The following F10 variants were observed in gnomAD, a reference collection of about 807,000 sequenced individuals.
The protein encoded by F10 is coagulation factor X, also known as Stuart-Prower factor.
Under a neutral mutation model 37.1 loss-of-function variants are expected in F10, and 29 were observed. That is an observed-to-expected ratio of 0.78 (90% CI 0.58 to 1.07). The LOEUF (loss-of-function observed/expected upper bound fraction) is 1.07. Ranked by LOEUF, F10 falls within the 50% of genes least tolerant of loss-of-function variation. The probability of loss-of-function intolerance (pLI) is 0.00; values close to 1 mark genes in which losing one functional copy is unlikely to be tolerated. For synonymous variants in F10, 262 were observed against 268.6 expected (o/e 0.98, Z 0.24); for missense variants, 539 against 667.9 (o/e 0.81, Z 2.13).
chr13:113,149,410 A>G lies in F10; in HGVS notation c.1360A>G (p.Lys454Glu). ...TAAGGGGAAGTACGGGATCTACACC[A>G]AGGTCACCGCCTTCCTCAAGTGGAT... is the stretch of plus-strand genomic sequence containing the variant. ...ARKGKYGIYTKVTAFLKWIDR... is the reference protein window; with the variant it reads ...ARKGKYGIYTEVTAFLKWIDR... The change falls in exon 8 of 8, where the codon AAG becomes GAG. Residue 454 changes from lysine (K) to glutamate (E), a missense_variant. Coordinates refer to ENST00000375559, the MANE Select transcript of F10 (RefSeq NM_000504.4). The surrounding 1 kb of genome is among the most constrained non-coding windows in gnomAD (Gnocchi z 7.5). 1 of 1,613,304 alleles carries G rather than the reference A, an allele frequency of 6.2e-7. No individual in the cohort carries two copies. The highest frequency in any genetic ancestry group is 8.5e-7 in the Non-Finnish European group (1 of 1,179,824).
chr13:113,148,345 A>AAAAAAAATATATATATAT (rs1300922846), intron 7 of F10, among the ~76,000 whole-genome samples: 1 of 95,414 alleles, frequency 1.0e-5, no homozygotes, highest in East Asian at 4.3e-4. Flanking sequence ...AAAAAAAAAA[A>AAAAAAAATATATATATAT]ATATATATAT....
rs2036504251 is a variant in F10 at position 113,139,116 on chromosome 13, G to T, written c.257-241G>T. On this transcript the variant is annotated intron_variant, in intron 3 of 7. Coordinates refer to ENST00000375559, the MANE Select transcript of F10 (RefSeq NM_000504.4). This position sits in a 1 kb window ranked among gnomAD's most constrained non-coding sequence, Gnocchi z 5.2. ...GGTCACCTCTGACTGTAAACACACT[G>T]CAAAACACCGGCAAAAATCAAAAAG... 6.6e-6 allele frequency among the ~76,000 whole-genome samples: 1 copy of T among 152,110 alleles called. No homozygotes were observed. Among genetic ancestry groups the T allele is most frequent in the Non-Finnish European group, 1.5e-5 (1 of 68,030 alleles).
intron 5 of F10, among the ~76,000 whole-genome samples, chr13:113,142,556 C>CAAA (rs5806973): frequency 4.9e-4 from 30 of 61,280 alleles, no homozygotes; most frequent in African/African-American, 1.3e-3. Context: ...GACTCTGTCT[C>CAAA]AAAAAAAAAA....
chr13:113,142,678 C>G (rs900017998), intron 5 of F10, among the ~76,000 whole-genome samples: 2 of 148,026 alleles, frequency 1.4e-5, no homozygotes, highest in Non-Finnish European at 3.0e-5. Context: ...GTAATCCCAG[C>G]ACTTTGGGAA....
rs1044474545 is a variant in F10, at chr13:113,143,543, T to G, written c.503-308T>G. Reference sequence around the variant, plus strand: ...GTCTCTGTCCATCCGTCAAGCTTTCTTGACTTCTTGGTGCATTTTCAGGCA... The same window carrying G: ...GTCTCTGTCCATCCGTCAAGCTTTCGTGACTTCTTGGTGCATTTTCAGGCA... On this transcript the variant is annotated intron_variant, in intron 5 of 7. Coordinates refer to ENST00000375559, the MANE Select transcript of F10 (RefSeq NM_000504.4). This position sits in a 1 kb window ranked among gnomAD's most constrained non-coding sequence, Gnocchi z 6.8. 1.3e-5 allele frequency among the ~76,000 whole-genome samples: 2 copies of G among 152,172 alleles called. No homozygotes were observed. The highest frequency in any genetic ancestry group is 2.9e-5 in the Non-Finnish European group (2 of 68,036).
Position 113,148,345 on chromosome 13 carries a change from A to AATATATATATATATATAT in F10, c.866-570_866-553dup, listed in dbSNP as rs1555396300. Among the ~76,000 whole-genome samples the AATATATATATATATATAT allele has an allele frequency of 8.6e-4, 82 of 95,386 alleles. 3 individuals carry two copies. The East Asian group carries it at 0.028, about 32-fold the overall frequency. The allele number at this position is 95,386 out of a possible 152,430, so 62.6% of individuals were successfully genotyped here. ...AACTCTGTCTCAAAAAAAAAAAAAA[A>AATATATATATATATATAT]ATATATATATATATATATGTATATA... On this transcript the variant is annotated intron_variant, in intron 7 of 7. Transcript: ENST00000375559.
At position 113,123,036 on chromosome 13, in the gene F10, C is replaced by T. The variant is rs60349518; in HGVS notation, c.70+111C>T. 23 of 1,269,098 alleles carry T rather than the reference C, an allele frequency of 1.8e-5. No homozygotes were observed. In the East Asian group the frequency reaches 5.5e-4, roughly 31 times the overall value. 78.6% of individuals were successfully genotyped at this position (1,269,098 alleles called of 1,614,324 possible). A position where few individuals can be genotyped will look rare whatever the true frequency, so the allele number is the denominator to read the frequency against. On this transcript the variant is annotated intron_variant, in intron 1 of 7. Coordinates refer to ENST00000375559, the MANE Select transcript of F10 (RefSeq NM_000504.4). ...GCCTGGACGGTGGGTGCCTTGAGTG[C>T]TGCCAGAGGCTGGGCTCGGATGGCT...
intron 1 of F10, among the ~76,000 whole-genome samples, chr13:113,124,677 C>T (rs1335991940): frequency 6.6e-6 from 1 of 152,248 alleles, no homozygotes; most frequent in African/African-American, 2.4e-5. Flanking sequence ...TTTAAACGAG[C>T]ACAGCTGTCC....
Position 113,149,511 on chromosome 13 carries a change from A to G in F10, c.1461A>G (p.Leu487=). Residue 487 remains leucine (L), a synonymous_variant, in exon 8 of 8, where the codon TTA becomes TTG. Coordinates refer to ENST00000375559, the MANE Select transcript of F10 (RefSeq NM_000504.4). This position sits in a 1 kb window ranked among gnomAD's most constrained non-coding sequence, Gnocchi z 7.5. The part of the protein sequence containing the change: ...HAPEVITSSP[L]K The stretch of plus-strand genomic sequence containing the variant: ...CGGAGGTCATAACGTCCTCTCCATT[A>G]AAGTGAGATCCCACTCAAGGCCTGG... 1 of 1,613,054 alleles carries G rather than the reference A, an allele frequency of 6.2e-7. No homozygotes were observed. The highest frequency in any genetic ancestry group is 8.5e-7 in the Non-Finnish European group (1 of 1,180,036).
chr13:113,133,135 G>A (rs1343221152), intron 2 of F10, among the ~76,000 whole-genome samples: 1 of 151,848 alleles, frequency 6.6e-6, no homozygotes, highest in East Asian at 1.9e-4. Flanking sequence ...GCTCACATGG[G>A]AAAAGAAAGA....
intron 1 of F10, among the ~76,000 whole-genome samples, chr13:113,125,493 C>T (rs763988398): frequency 6.6e-6 from 1 of 152,216 alleles, no homozygotes; most frequent in Non-Finnish European, 1.5e-5. Flanking sequence ...ACAAACCACA[C>T]GACAAATGTC....
chr13:113,129,638 T>C, intron 2 of F10, 26 bp downstream of exon 2: 1 of 1,613,658 alleles, frequency 6.2e-7, no homozygotes, highest in Non-Finnish European at 8.5e-7. Context: ...AGCCTGGCTG[T>C]TGGTAAGGAG....
chr13:113,134,959 G>A (rs1016167889), intron 2 of F10, among the ~76,000 whole-genome samples: 4 of 151,972 alleles, frequency 2.6e-5, no homozygotes, highest in East Asian at 3.9e-4. Flanking sequence ...ATCAATTTTC[G>A]GCCGGGCGCG....
intron 1 of F10, among the ~76,000 whole-genome samples, chr13:113,125,797 G>A (rs927906900): frequency 2.0e-4 from 30 of 152,248 alleles, no homozygotes; most frequent in African/African-American, 6.8e-4. Flanking sequence ...TGCTAGGCAC[G>A]GGCATACAGC....
rs1260070213 is a variant in F10 at position 113,143,055 on chromosome 13, C to T, written c.503-796C>T. Reference sequence around the variant, plus strand: ...GAGGCCCCTGCGGCTGGCAGATTCACCGGAGCCTCCTCAGACTGCGCAGGA... The same window carrying T: ...GAGGCCCCTGCGGCTGGCAGATTCATCGGAGCCTCCTCAGACTGCGCAGGA... On this transcript the variant is annotated intron_variant, in intron 5 of 7. Transcript: ENST00000375559. This position sits in a 1 kb window ranked among gnomAD's most constrained non-coding sequence, Gnocchi z 6.8. Among the ~76,000 whole-genome samples, 2 of 152,184 alleles carry T rather than the reference C, an allele frequency of 1.3e-5. No homozygotes were observed. Among genetic ancestry groups the T allele is most frequent in the African/African-American group, 2.4e-5 (1 of 41,444 alleles).
intron 3 of F10, among the ~76,000 whole-genome samples, chr13:113,138,870 G>C (rs1008084741): frequency 1.3e-5 from 2 of 152,232 alleles, no homozygotes; most frequent in African/African-American, 4.8e-5. Flanking sequence ...TGACTACCTG[G>C]TAACAGTATT....
rs2036407981 is a variant in F10, at chr13:113,129,603, C to T, written c.222C>T (p.Ser74=). The stretch of plus-strand genomic sequence containing the variant: ...AGGCCCGCGAGGTCTTTGAGGACAG[C>T]GACAAGACGGTAAGGGCTGGGGATA... ...YEEAREVFED[S]DKTNEFWNKY... The change falls in exon 2 of 8, where the codon AGC becomes AGT. Residue 74 remains serine (S), a synonymous_variant. Transcript: ENST00000375559. 6.2e-7 allele frequency: 1 copy of T among 1,614,188 alleles called. No homozygotes were observed.
At chr13:113,127,483 T>C (rs1434684036) in intron 1 of F10, among the ~76,000 whole-genome samples, 1 of 151,762 alleles carries the variant, frequency 6.6e-6, no homozygotes, top group Non-Finnish European at 1.5e-5. Flanking sequence ...GCTGTCAAAA[T>C]GAAAAGAGGA....
Position 113,149,124 on chromosome 13 carries a change from G to C in F10, c.1074G>C (p.Thr358=), listed in dbSNP as rs373197117. 5 of 1,612,912 alleles carry C rather than the reference G, an allele frequency of 3.1e-6. No homozygotes were observed. The highest frequency in any genetic ancestry group is 4.2e-6 in the Non-Finnish European group (5 of 1,179,986). ...WAESTLMTQK[T]GIVSGFGRTH... ...AGTCCACGCTGATGACGCAGAAGAC[G>C]GGGATTGTGAGCGGCTTCGGGCGCA... The change falls in exon 8 of 8, where the codon ACG becomes ACC. Residue 358 remains threonine (T), a synonymous_variant. Coordinates refer to ENST00000375559, the MANE Select transcript of F10 (RefSeq NM_000504.4). This position sits in a 1 kb window ranked among gnomAD's most constrained non-coding sequence, Gnocchi z 7.5.
Sources: gnomAD v4.1 joint callset for allele counts (sites outside exome capture counted in the v4.1 genomes callset) on GRCh38, gnomAD v4.1.1 for gene constraint, Gnocchi (gnomAD v3.1) non-coding constraint, MANE v1.5 for transcripts, NCBI Gene and HGNC (gene_info 2026-07-23, HGNC 2026-07-21) for gene names.